The following CMSS1 variants were observed in gnomAD, a reference collection of about 807,000 sequenced individuals.
CMSS1 encodes protein CMSS1.
CMSS1 carries 33 observed loss-of-function variants against 43.5 expected under a neutral mutation model. The ratio of observed to expected loss-of-function variants is 0.76; its 90% CI spans 0.57 to 1.01. The LOEUF is 1.01. CMSS1 is among the 50% of genes least tolerant of loss of function. CMSS1 has a pLI of 0.00. For synonymous variants in CMSS1, 115 were observed against 117.2 expected (o/e 0.98, Z 0.12); for missense variants, 313 against 326.4 (o/e 0.96, Z 0.32).
intron 1 of CMSS1, among the ~76,000 whole-genome samples, chr3:99,991,980 A>ATG (rs1308709576): frequency 8.2e-5 from 12 of 147,028 alleles, no homozygotes; most frequent in Non-Finnish European, 1.4e-4. Context: ...ACACACATAT[A>ATG]TGTGTATATA....
intron 1 of CMSS1, among the ~76,000 whole-genome samples, chr3:100,088,543 A>G (rs534211249): frequency 1.6e-4 from 25 of 152,322 alleles, no homozygotes; most frequent in Non-Finnish European, 3.4e-4. Flanking sequence ...TTAATAATTC[A>G]TAATAAATTG....
chr3:100,051,876 T>C (rs2065380140), intron 1 of CMSS1, among the ~76,000 whole-genome samples: 1 of 148,588 alleles, frequency 6.7e-6, no homozygotes, highest in South Asian at 2.1e-4. Context: ...TAATTTAATG[T>C]AATATATTTT....
intron 1 of CMSS1, among the ~76,000 whole-genome samples, chr3:100,145,912 G>A (rs1015340975): frequency 5.3e-5 from 8 of 152,092 alleles, no homozygotes; most frequent in Admixed American, 2.6e-4. Flanking sequence ...ACCAAATATC[G>A]GGGCACCCCA....
intron 1 of CMSS1, among the ~76,000 whole-genome samples, chr3:99,962,736 A>G (rs1181994290): frequency 6.6e-6 from 1 of 152,218 alleles, no homozygotes; most frequent in Non-Finnish European, 1.5e-5. Flanking sequence ...CCTCAGATAC[A>G]GTTAGTTTAA....
intron 2 of CMSS1, chr3:100,159,941 A>G: frequency 2.2e-6 from 1 of 456,514 alleles, no homozygotes; most frequent in Non-Finnish European, 4.4e-6. Context: ...CTTACTTTGG[A>G]TTTTCTATGC....
At chr3:99,950,304 T>G (rs1029285843) in intron 1 of CMSS1, among the ~76,000 whole-genome samples, 16 of 152,234 alleles carry the variant, frequency 1.1e-4, no homozygotes, top group African/African-American at 3.9e-4. Flanking sequence ...TCTTACTAAA[T>G]GTTAGAAATT....
chr3:99,907,255 T>G (rs1021764221), intron 1 of CMSS1, among the ~76,000 whole-genome samples: 4 of 152,130 alleles, frequency 2.6e-5, no homozygotes, highest in African/African-American at 9.7e-5. Flanking sequence ...ATTTTCTTTT[T>G]TATTTTTTTT....
chr3:99,903,406 C>T (rs1706504902), intron 1 of CMSS1, among the ~76,000 whole-genome samples: 1 of 152,134 alleles, frequency 6.6e-6, no homozygotes, highest in Non-Finnish European at 1.5e-5. Flanking sequence ...CGCCTGCCAC[C>T]ACACCCAGCT....
intron 1 of CMSS1, among the ~76,000 whole-genome samples, chr3:99,832,613 C>T (rs1405284975): frequency 1.4e-5 from 2 of 141,516 alleles, no homozygotes; most frequent in African/African-American, 2.6e-5. Flanking sequence ...GAGGCTGAGG[C>T]GGGCGGATCA....
rs1049758361 is a variant in CMSS1 at position 100,181,363 on chromosome 3, T to C, written c.*2975T>C. 34 of 152,244 alleles carry C rather than the reference T, an allele frequency of 2.2e-4. No homozygotes were observed. Among genetic ancestry groups the C allele is most frequent in the Non-Finnish European group, 3.4e-4 (23 of 68,046 alleles). 9.4% of individuals were successfully genotyped at this position (152,244 alleles called of 1,614,324 possible). On this transcript the variant is annotated 3_prime_UTR_variant, in exon 10 of 10. Coordinates refer to ENST00000421999, the MANE Select transcript of CMSS1 (RefSeq NM_032359.4). ...AAGTTTAAAAAATAGAGAATTCCCA[T>C]ATCCCCTTCCCTGAGCTTTCCCTGT... is the stretch of plus-strand genomic sequence containing the variant.
chr3:100,169,135 G>A (rs1262930912), intron 6 of CMSS1, among the ~76,000 whole-genome samples: 4 of 151,818 alleles, frequency 2.6e-5, no homozygotes, highest in Non-Finnish European at 4.4e-5. Flanking sequence ...GTAGCCATCT[G>A]GAAAAATAAA....
chr3:100,166,083 A>G lies in CMSS1; in HGVS notation c.356-252A>G, dbSNP rs1461220333. On this transcript the variant is annotated intron_variant, in intron 4 of 9. Transcript: ENST00000421999. Reference sequence around the variant, plus strand: ...TTTGGAAAATAAAGTTGCTTCATAAATCTGCTGAGTGATGTAAGAAGCTCC... The same window carrying G: ...TTTGGAAAATAAAGTTGCTTCATAAGTCTGCTGAGTGATGTAAGAAGCTCC... 2.6e-5 allele frequency among the ~76,000 whole-genome samples: 4 copies of G among 152,228 alleles called. No homozygotes were observed. The East Asian group carries it at 7.7e-4, about 29-fold the overall frequency.
At chr3:100,108,546 T>C (rs1381520202) in intron 1 of CMSS1, among the ~76,000 whole-genome samples, 1 of 152,186 alleles carries the variant, frequency 6.6e-6, no homozygotes, top group Non-Finnish European at 1.5e-5. Flanking sequence ...TGCATTGTGG[T>C]ACATTCTGGT....
chr3:100,010,851 A>T (rs1408781966), intron 1 of CMSS1, among the ~76,000 whole-genome samples: 1 of 144,630 alleles, frequency 6.9e-6, no homozygotes, highest in Non-Finnish European at 1.5e-5. Flanking sequence ...CTGGTCTCGA[A>T]CTCCTGACCT....
chr3:99,968,217 G>A (rs922335055), intron 1 of CMSS1, among the ~76,000 whole-genome samples: 1 of 152,142 alleles, frequency 6.6e-6, no homozygotes, highest in Admixed American at 6.5e-5. Flanking sequence ...GGAATTCCAG[G>A]CTGGGAGAGT....
chr3:99,854,518 T>G (rs1943859390), intron 1 of CMSS1, among the ~76,000 whole-genome samples: 1 of 152,178 alleles, frequency 6.6e-6, no homozygotes, highest in Non-Finnish European at 1.5e-5. Context: ...TTTATGTGCC[T>G]TTATACAGGG....
intron 1 of CMSS1, among the ~76,000 whole-genome samples, chr3:99,935,960 C>T (rs1707653000): frequency 1.3e-5 from 2 of 152,126 alleles, no homozygotes; most frequent in African/African-American, 4.8e-5. Flanking sequence ...CATTACCTTC[C>T]TCCAGCAGCC....
chr3:99,831,118 A>G (rs1266588896), intron 1 of CMSS1, among the ~76,000 whole-genome samples: 1 of 152,240 alleles, frequency 6.6e-6, no homozygotes, highest in African/African-American at 2.4e-5. Context: ...GTAGAGAGGC[A>G]GTCAAGGATA....
At position 100,013,658 on chromosome 3, in the gene CMSS1, A is replaced by C. The variant is rs541516925; in HGVS notation, c.65-133315A>C. On this transcript the variant is annotated intron_variant, in intron 1 of 9. Coordinates refer to ENST00000421999, the MANE Select transcript of CMSS1 (RefSeq NM_032359.4). ...TTCTTTATAAAATAAGCTTCTTCTA[A>C]ACAGTGAAATGATATTTTTTCCTAG... Among the ~76,000 whole-genome samples the C allele has an allele frequency of 3.9e-4, 60 of 152,300 alleles. 1 individual carries two copies. Among genetic ancestry groups the C allele is most frequent in the African/African-American group, 1.4e-3 (59 of 41,566 alleles).
Sources: allele counts gnomAD v4.1 joint callset (sites outside exome capture counted in the v4.1 genomes callset), GRCh38; gene constraint gnomAD v4.1.1; transcripts MANE v1.5; gene names NCBI Gene and HGNC (gene_info 2026-07-23, HGNC 2026-07-21).